Variants in VDAC1 observed in about 807,000 individuals in gnomAD.
VDAC1 encodes non-selective voltage-gated ion channel VDAC1.
In VDAC1, 10 loss-of-function variants were observed where a neutral mutation model predicts 34.7. That is an observed-to-expected ratio of 0.29 (90% CI 0.18 to 0.49). The LOEUF is 0.49. Ranked by LOEUF, VDAC1 falls within the 20% of genes least tolerant of loss-of-function variation. The pLI, the probability that VDAC1 is intolerant of heterozygous loss-of-function variation, is 0.99. For missense variants in VDAC1, 230 were observed against 347.9 expected, an observed-to-expected ratio of 0.66 and a Z score of 2.69; for synonymous variants, 130 against 136.0, an observed-to-expected ratio of 0.96 and a Z score of 0.30.
chr5:134,003,111 G>A (rs1240894565), intron 1 of VDAC1, among the ~76,000 whole-genome samples: 1 of 152,184 alleles, frequency 6.6e-6, no homozygotes, highest in African/African-American at 2.4e-5. Flanking sequence ...AAAGATGGGT[G>A]GATTCTGACA....
the VDAC1 span, among the ~76,000 whole-genome samples, chr5:134,113,483 G>C: frequency 6.6e-6 from 1 of 152,270 alleles, no homozygotes; most frequent in African/African-American, 2.4e-5. Context: ...CCGCTGCCAG[G>C]GGTCCTGTGG....
In VDAC1 at chr5:133,984,419, C is replaced by CGTGTGTGTGT. The variant is rs70976506; in HGVS notation, c.324-3473_324-3464dup. On this transcript the variant is annotated intron_variant, in intron 5 of 8. Coordinates refer to ENST00000265333, the MANE Select transcript of VDAC1 (RefSeq NM_003374.3). ...TATAGGCGCTCACCACAATGACCAG[C>CGTGTGTGTGT]GTGTGTGTGTGTGTGTGTGTGTGTG... Among the ~76,000 whole-genome samples, 133 of 122,030 alleles carry CGTGTGTGTGT rather than the reference C, an allele frequency of 1.1e-3. 2 individuals carry two copies. Among genetic ancestry groups the CGTGTGTGTGT allele is most frequent in the African/African-American group, 2.9e-3 (90 of 31,234 alleles). The allele number at this position is 122,030 out of a possible 152,430, so 80.1% of individuals were successfully genotyped here. A position where few individuals can be genotyped will look rare whatever the true frequency, so the allele number is the denominator to read the frequency against.
intron 1 of VDAC1, among the ~76,000 whole-genome samples, chr5:133,996,547 C>T (rs891374878): frequency 2.0e-5 from 3 of 152,072 alleles, no homozygotes; most frequent in Non-Finnish European, 4.4e-5. Flanking sequence ...GCTGTGCTCA[C>T]CGTGCCCCCA....
chr5:134,064,285 G>A, the VDAC1 span, among the ~76,000 whole-genome samples: 2 of 151,828 alleles, frequency 1.3e-5, no homozygotes. Flanking sequence ...CCAGCTGACT[G>A]ATTATTGTTT....
the VDAC1 span, among the ~76,000 whole-genome samples, chr5:134,033,431 C>T: frequency 3.3e-5 from 5 of 151,666 alleles, no homozygotes; most frequent in Admixed American, 1.3e-4. Context: ...GCTGGGATTA[C>T]AGGCATGAGC....
chr5:134,041,130 AAAACAT>A, the VDAC1 span, among the ~76,000 whole-genome samples: 12 of 152,346 alleles, frequency 7.9e-5, no homozygotes, highest in East Asian at 2.3e-3. Flanking sequence ...TACTCAAGGG[AAAACAT>A]TACCAGCTCC....
In VDAC1 at chr5:133,991,065, C is replaced by G; in HGVS notation, c.207G>C (p.Leu69=). Residue 69 remains leucine, a synonymous_variant, in exon 4 of 9, where the codon CTG becomes CTC. Coordinates refer to ENST00000265333, the MANE Select transcript of VDAC1 (RefSeq NM_003374.3). ...ETKYRWTEYG[L]TFTEKWNTDN... ...CGGTATTCCATTTCTCTGTAAACGT[C>G]AGGCCGTACTCAGTCCATCTGTACT... is the stretch of plus-strand genomic sequence containing the variant. 6.2e-7 allele frequency: 1 copy of G among 1,614,180 alleles called. No individual in the cohort carries two copies. The highest frequency in any genetic ancestry group is 1.1e-5 in the South Asian group (1 of 91,082).
chr5:134,034,365 A>T, the VDAC1 span, among the ~76,000 whole-genome samples: 8 of 152,184 alleles, frequency 5.3e-5, 1 homozygote, highest in Admixed American at 4.6e-4. Context: ...ATTTTCACAG[A>T]TACTATCATT....
chr5:134,034,544 G>A, the VDAC1 span, among the ~76,000 whole-genome samples: 7 of 152,206 alleles, frequency 4.6e-5, no homozygotes, highest in African/African-American at 1.7e-4. Context: ...GCTAGGAAGA[G>A]GCCGGGATAG....
At chr5:134,022,030 G>A in the VDAC1 span, among the ~76,000 whole-genome samples, 4 of 152,190 alleles carry the variant, frequency 2.6e-5, no homozygotes, top group Admixed American at 1.3e-4. Flanking sequence ...ACAGGCATGT[G>A]CCACCACGCC....
chr5:134,073,665 A>C, the VDAC1 span, among the ~76,000 whole-genome samples: 1 of 152,250 alleles, frequency 6.6e-6, no homozygotes, highest in Non-Finnish European at 1.5e-5. Flanking sequence ...AGGATGGCAA[A>C]TAACCCATGG....
upstream of VDAC1, among the ~76,000 whole-genome samples, chr5:134,005,821 G>A (rs1753736513): frequency 2.0e-5 from 3 of 152,224 alleles, no homozygotes; most frequent in South Asian, 6.2e-4. Context: ...GATGGACGAA[G>A]ATTCTACACA....
the VDAC1 span, among the ~76,000 whole-genome samples, chr5:134,011,138 A>G: frequency 7.2e-5 from 11 of 152,054 alleles, no homozygotes; most frequent in Admixed American, 2.0e-4. Flanking sequence ...TTTGAGAAGC[A>G]CCTGTTCATG....
intron 1 of VDAC1, among the ~76,000 whole-genome samples, chr5:134,001,488 G>A (rs568287475): frequency 2.6e-5 from 4 of 152,038 alleles, no homozygotes; most frequent in South Asian, 2.1e-4. Context: ...AGGCCGAGGC[G>A]GGTGGATCAG....
At chr5:133,995,622 C>A (rs1002649740) in intron 1 of VDAC1, among the ~76,000 whole-genome samples, 3 of 152,102 alleles carry the variant, frequency 2.0e-5, no homozygotes, top group African/African-American at 7.2e-5. Context: ...TGGTAGCTTC[C>A]CCTCCTTTTT....
the VDAC1 span, among the ~76,000 whole-genome samples, chr5:134,028,806 C>T: frequency 6.6e-6 from 1 of 152,206 alleles, no homozygotes; most frequent in Non-Finnish European, 1.5e-5. Context: ...CCTGTATCAT[C>T]TGCCCAATCA....
chr5:134,022,822 C>G, the VDAC1 span, among the ~76,000 whole-genome samples: 6 of 152,154 alleles, frequency 3.9e-5, no homozygotes, highest in African/African-American at 1.2e-4. Flanking sequence ...AGTCAAGAAA[C>G]AACAGATGCT....
chr5:134,068,107 G>C, the VDAC1 span, among the ~76,000 whole-genome samples: 1 of 151,874 alleles, frequency 6.6e-6, no homozygotes, highest in Non-Finnish European at 1.5e-5. Flanking sequence ...GACAGAGGGA[G>C]ACTACATCTC....
At chr5:134,043,442 G>A in the VDAC1 span, among the ~76,000 whole-genome samples, 1 of 152,164 alleles carries the variant, frequency 6.6e-6, no homozygotes, top group South Asian at 2.1e-4. Context: ...TCTAGACTGC[G>A]GGACTACCTA....
Sources: allele counts gnomAD v4.1 joint callset (sites outside exome capture counted in the v4.1 genomes callset), GRCh38; gene constraint gnomAD v4.1.1; transcripts MANE v1.5; gene names NCBI Gene and HGNC (gene_info 2026-07-23, HGNC 2026-07-21).